PACS1: variants seen among roughly 807,000 people sequenced by gnomAD.
PACS1 encodes phosphofurin acidic cluster sorting protein 1, also known as PACS-1.
In PACS1, 24 loss-of-function variants were observed where a neutral mutation model predicts 115.0. The observed-to-expected ratio is 0.21, with a 90% CI of 0.15 to 0.29. The LOEUF (loss-of-function observed/expected upper bound fraction) is 0.29. PACS1 is among the 10% of genes least tolerant of loss of function. The pLI is 1.00. For synonymous variants in PACS1, 453 were observed against 504.5 expected, an observed-to-expected ratio of 0.90 and a Z score of 1.37; for missense variants, 838 against 1,251.2, an observed-to-expected ratio of 0.67 and a Z score of 4.98.
chr11:66,140,610 A>C (rs987988251), intron 1 of PACS1, among the ~76,000 whole-genome samples: 1 of 152,170 alleles, frequency 6.6e-6, no homozygotes, highest in Admixed American at 6.5e-5. Flanking sequence ...ATATAGAAGG[A>C]GATACACAGC....
Position 66,168,740 on chromosome 11 carries a change from G to GTA in PACS1, c.357-24734_357-24733dup, listed in dbSNP as rs34653629. On this transcript the variant is annotated intron_variant, in intron 1 of 23. Transcript: ENST00000320580. ...CTTATTTTTTGTTGCTTCCTAAATA[G>GTA]TATATATATATATGTGTGTGTGTGT... is the stretch of plus-strand genomic sequence containing the variant. Among the ~76,000 whole-genome samples, 751 of 143,084 alleles carry GTA rather than the reference G, an allele frequency of 5.2e-3. 56 individuals carry two copies. Among genetic ancestry groups the GTA allele is most frequent in the East Asian group, 0.028 (136 of 4,828 alleles). The allele number at this position is 143,084 out of a possible 152,430, so 93.9% of individuals were successfully genotyped here.
chr11:66,152,732 G>A (rs1859269834), intron 1 of PACS1, among the ~76,000 whole-genome samples: 1 of 152,184 alleles, frequency 6.6e-6, no homozygotes, highest in South Asian at 2.1e-4. Flanking sequence ...GAACTTGCAT[G>A]GGGAGGGGAA....
intron 1 of PACS1, among the ~76,000 whole-genome samples, chr11:66,147,793 A>G (rs926892618): frequency 1.3e-5 from 2 of 152,184 alleles, no homozygotes; most frequent in Admixed American, 1.3e-4. Flanking sequence ...ATTTGCTAGC[A>G]CAACAGTGTG....
chr11:66,085,161 C>G (rs1857543935), intron 1 of PACS1, among the ~76,000 whole-genome samples: 1 of 152,026 alleles, frequency 6.6e-6, no homozygotes, highest in Admixed American at 6.6e-5. Context: ...ATGTTTTTTT[C>G]TTTTTTAATA....
intron 1 of PACS1, among the ~76,000 whole-genome samples, chr11:66,189,563 G>A (rs1056621847): frequency 6.6e-6 from 1 of 152,212 alleles, no homozygotes; most frequent in African/African-American, 2.4e-5. Flanking sequence ...GCTGCGCTGT[G>A]TAGCCCACAT....
rs145672221 is a variant in PACS1 at position 66,195,114 on chromosome 11, T to C, written c.444+1541T>C. ...ATGTAGTTCCAGCTACTCAGGGGGC[T>C]GAGGCAGGAGAATTGCTTGAGCCTG... On this transcript the variant is annotated intron_variant, in intron 2 of 23. Coordinates refer to ENST00000320580, the MANE Select transcript of PACS1 (RefSeq NM_018026.4). Among the ~76,000 whole-genome samples the C allele has an allele frequency of 3.0e-4, 46 of 152,290 alleles. No homozygotes were observed. In the East Asian group the frequency reaches 7.7e-3, roughly 26 times the overall value.
At chr11:66,168,094 G>A (rs1178179608) in intron 1 of PACS1, among the ~76,000 whole-genome samples, 2 of 149,698 alleles carry the variant, frequency 1.3e-5, no homozygotes, top group African/African-American at 5.1e-5. Flanking sequence ...GTAGAGATGG[G>A]GTCTCGCCAT....
In PACS1 at chr11:66,242,939, C is replaced by T; in HGVS notation, c.2684C>T (p.Pro895Leu). ...KVPTIFLSKK[P>L]REKEVDSKSQ... Reference sequence around the variant, plus strand: ...CCCACCATCTTCCTGAGCAAGAAACCCCGAGAAAAGGAGGTGGATTCTAAG... The same window carrying T: ...CCCACCATCTTCCTGAGCAAGAAACTCCGAGAAAAGGAGGTGGATTCTAAG... The change falls in exon 23 of 24, where the codon CCC becomes CTC. Residue 895 changes from proline to leucine, a missense_variant. By Grantham distance (98) the Pro-to-Leu change is moderately conservative. Transcript: ENST00000320580. The T allele has an allele frequency of 1.2e-6, 2 of 1,613,942 alleles. No homozygotes were observed. Among genetic ancestry groups the T allele is most frequent in the Non-Finnish European group, 1.7e-6 (2 of 1,179,944 alleles).
At chr11:66,211,365 G>C in intron 4 of PACS1, 106 bp downstream of exon 4, 4 of 1,192,002 alleles carry the variant, frequency 3.4e-6, no homozygotes, top group Non-Finnish European at 4.7e-6. Context: ...CAGCCTGCTG[G>C]CTAGGTGCTT....
chr11:66,170,951 T>C (rs1170203181), intron 1 of PACS1, among the ~76,000 whole-genome samples: 1 of 149,632 alleles, frequency 6.7e-6, no homozygotes, highest in Non-Finnish European at 1.5e-5. Flanking sequence ...ACTTACTTTA[T>C]ACCTAAATAC....
At chr11:66,102,313 T>C (rs949860497) in intron 1 of PACS1, among the ~76,000 whole-genome samples, 1 of 151,654 alleles carries the variant, frequency 6.6e-6, no homozygotes, top group Non-Finnish European at 1.5e-5. Flanking sequence ...ACTATTATTA[T>C]TATTATTATT....
At position 66,243,360 on chromosome 11, in the gene PACS1, C is replaced by CG. The variant is rs996212384; in HGVS notation, c.*83dup. The CG allele has an allele frequency of 2.0e-5, 19 of 937,212 alleles. No individual in the cohort carries two copies. The African/African-American group carries it at 2.8e-4, about 14-fold the overall frequency. 58.1% of individuals were successfully genotyped at this position (937,212 alleles called of 1,614,324 possible). A position where few individuals can be genotyped will look rare whatever the true frequency, so the allele number is the denominator to read the frequency against. ...GCGGGCAGGGGGAGGCCAGCAGGCC[C>CG]GGGCCCAGCACCCCTTCCCTGGCAC... On this transcript the variant is annotated 3_prime_UTR_variant, in exon 24 of 24. Coordinates refer to ENST00000320580, the MANE Select transcript of PACS1 (RefSeq NM_018026.4).
At chr11:66,207,242 G>A (rs887514373) in intron 2 of PACS1, among the ~76,000 whole-genome samples, 3 of 152,122 alleles carry the variant, frequency 2.0e-5, no homozygotes, top group African/African-American at 4.8e-5. Context: ...CAAGGGGAGC[G>A]GATAACTTGA....
chr11:66,098,044 G>A (rs904439192), intron 1 of PACS1, among the ~76,000 whole-genome samples: 4 of 152,146 alleles, frequency 2.6e-5, no homozygotes, highest in African/African-American at 9.7e-5. Context: ...GGGCATGGTG[G>A]TGGGCGCCTG....
At chr11:66,093,100 C>T (rs1857697583) in intron 1 of PACS1, among the ~76,000 whole-genome samples, 1 of 152,010 alleles carries the variant, frequency 6.6e-6, no homozygotes, top group African/African-American at 2.4e-5. Flanking sequence ...TATAAATTAC[C>T]TTGGGCAGTA....
chr11:66,084,576 G>A (rs569858789), intron 1 of PACS1, among the ~76,000 whole-genome samples: 28 of 152,254 alleles, frequency 1.8e-4, no homozygotes, highest in Non-Finnish European at 3.2e-4. Context: ...GCTTGGACTA[G>A]GGTGGTGGAG....
At chr11:66,190,377 A>G (rs1320614689) in intron 1 of PACS1, among the ~76,000 whole-genome samples, 2 of 152,206 alleles carry the variant, frequency 1.3e-5, no homozygotes, top group African/African-American at 4.8e-5. Flanking sequence ...ATGAAGGCAC[A>G]AAATTCAGTT....
rs1019016531 is a variant in PACS1 at position 66,235,728 on chromosome 11, A to G, written c.2208-170A>G. Among the ~76,000 whole-genome samples the G allele has an allele frequency of 1.3e-5, 2 of 152,094 alleles. No individual in the cohort carries two copies. The highest frequency in any genetic ancestry group is 1.3e-4 in the Admixed American group (2 of 15,274). On this transcript the variant is annotated intron_variant, in intron 18 of 23. Coordinates refer to ENST00000320580, the MANE Select transcript of PACS1 (RefSeq NM_018026.4). The surrounding 1 kb of genome is among the most constrained non-coding windows in gnomAD (Gnocchi z 5.6). ...TTTGCCCTCATTTTGTGAGCTCCAC[A>G]TGCACAGCAAGTCCCAGACCTTCCC...
chr11:66,224,468 A>C (rs963297130), intron 10 of PACS1, among the ~76,000 whole-genome samples: 1 of 152,164 alleles, frequency 6.6e-6, no homozygotes, highest in Non-Finnish European at 1.5e-5. Context: ...GGTGTGCCTG[A>C]TTGACTTACT....
Sources: allele counts gnomAD v4.1 joint callset (sites outside exome capture counted in the v4.1 genomes callset), GRCh38; gene constraint gnomAD v4.1.1; non-coding constraint Gnocchi (gnomAD v3.1); transcripts MANE v1.5; gene names NCBI Gene and HGNC (gene_info 2026-07-23, HGNC 2026-07-21).